Variants in SYT14 observed in about 807,000 individuals in gnomAD.
The protein encoded by SYT14 is synaptotagmin-14.
A neutral mutation model predicts 74.2 loss-of-function variants in SYT14; 32 were observed. The ratio of observed to expected loss-of-function variants is 0.43; its 90% CI spans 0.33 to 0.58. SYT14 has a LOEUF of 0.58. Ranked by LOEUF, SYT14 falls within the 20% of genes least tolerant of loss-of-function variation. The pLI, the probability that SYT14 is intolerant of heterozygous loss-of-function variation, is 0.05. For synonymous variants in SYT14, 298 were observed against 337.7 expected, an observed-to-expected ratio of 0.88 and a Z score of 1.29; for missense variants, 791 against 981.8, an observed-to-expected ratio of 0.81 and a Z score of 2.60.
At chr1:210,091,787 A>C (rs1389982038) in intron 5 of SYT14, among the ~76,000 whole-genome samples, 1 of 152,120 alleles carries the variant, frequency 6.6e-6, no homozygotes, top group Non-Finnish European at 1.5e-5. Flanking sequence ...CCAGCTTCAA[A>C]TTTTGATGGC....
intron 2 of SYT14, among the ~76,000 whole-genome samples, chr1:209,962,959 T>C (rs1459883807): frequency 1.3e-5 from 2 of 152,188 alleles, no homozygotes; most frequent in African/African-American, 2.4e-5. Context: ...CTAAGGTGTT[T>C]ACAGAATGAT....
rs969258442 is a variant in SYT14 at position 210,133,720 on chromosome 1, T to C, written c.2035-22001T>C. The stretch of plus-strand genomic sequence containing the variant: ...TGTGCAAGGTGGAGGTGAATAAAAA[T>C]TTGTAAGAATCCTAGAGCTGAGTAC... On this transcript the variant is annotated intron_variant, in intron 7 of 9. Transcript: ENST00000637265. Among the ~76,000 whole-genome samples the C allele has an allele frequency of 2.0e-5, 3 of 152,196 alleles. No homozygotes were observed. The East Asian group carries it at 5.8e-4, about 29-fold the overall frequency.
At chr1:209,967,988 A>T (rs11119375) in intron 2 of SYT14, among the ~76,000 whole-genome samples, 69,575 of 151,774 alleles carry the variant, frequency 0.46, 17,157 homozygotes, top group Non-Finnish European at 0.56. Flanking sequence ...TAAATTTTTT[A>T]AAAAAATCAG....
intron 2 of SYT14, among the ~76,000 whole-genome samples, chr1:209,973,255 C>G (rs2079291385): frequency 6.6e-6 from 1 of 151,758 alleles, no homozygotes; most frequent in Non-Finnish European, 1.5e-5. Flanking sequence ...TACATGTGCA[C>G]AACGTGCAGG....
At chr1:210,121,789 A>C (rs1296538688) in intron 7 of SYT14, among the ~76,000 whole-genome samples, 2 of 149,464 alleles carry the variant, frequency 1.3e-5, no homozygotes, top group Non-Finnish European at 3.0e-5. Flanking sequence ...GCGAGACCCC[A>C]TTTCAAAAAA....
Position 209,955,122 on chromosome 1 carries a change from G to A in SYT14, c.-486+2366G>A, listed in dbSNP as rs138345580. ...AGGGGTTTGGTCCTGGGCTTACTTCGTTTTTCCATCTTTTACTCTGTTTGA... is the reference window on the plus strand; with the variant it reads ...AGGGGTTTGGTCCTGGGCTTACTTCATTTTTCCATCTTTTACTCTGTTTGA... On this transcript the variant is annotated intron_variant, in intron 2 of 9. Transcript: ENST00000637265. 3.9e-5 allele frequency among the ~76,000 whole-genome samples: 6 copies of A among 152,148 alleles called. No individual in the cohort carries two copies. In the South Asian group the frequency reaches 8.3e-4, roughly 21 times the overall value.
intron 5 of SYT14, among the ~76,000 whole-genome samples, chr1:210,073,004 A>G (rs1456649391): frequency 2.3e-5 from 1 of 42,720 alleles, no homozygotes; most frequent in Non-Finnish European, 4.5e-5. Flanking sequence ...TTGAATTGCA[A>G]TCTGTAAAAA....
At chr1:210,050,444 C>CT (rs1558154024) in intron 5 of SYT14, among the ~76,000 whole-genome samples, 2 of 152,214 alleles carry the variant, frequency 1.3e-5, no homozygotes, top group African/African-American at 2.4e-5. Flanking sequence ...TTTCTGTCGT[C>CT]TTCTGAGCCC....
intron 7 of SYT14, among the ~76,000 whole-genome samples, chr1:210,151,003 G>A (rs2083146875): frequency 6.6e-6 from 1 of 152,086 alleles, no homozygotes. Context: ...TAAACATATA[G>A]AGTATATTCA....
intron 2 of SYT14, among the ~76,000 whole-genome samples, chr1:209,992,821 G>C (rs1008863947): frequency 6.6e-6 from 1 of 152,140 alleles, no homozygotes; most frequent in Admixed American, 6.6e-5. Context: ...AATTTGGGCA[G>C]ATCTTCAAAG....
exon 10 of SYT14, chr1:210,163,704 A>G (rs1260865340): frequency 2.2e-6 from 1 of 453,580 alleles, no homozygotes; most frequent in Non-Finnish European, 4.4e-6. Context: ...TATAATAATT[A>G]CTCCCAAAAA....
chr1:210,046,563 C>T (rs973483405), intron 5 of SYT14, among the ~76,000 whole-genome samples: 2 of 152,182 alleles, frequency 1.3e-5, no homozygotes, highest in Non-Finnish European at 2.9e-5. Flanking sequence ...AACCACTCAT[C>T]TACTTTATAT....
At chr1:210,039,704 C>T (rs1010713287) in intron 5 of SYT14, among the ~76,000 whole-genome samples, 13 of 152,064 alleles carry the variant, frequency 8.5e-5, no homozygotes, top group Non-Finnish European at 1.2e-4. Flanking sequence ...ACAACTTCAT[C>T]GAAAACTGGG....
chr1:210,169,936 CTTCT>C (rs1228348957), exon 10 of SYT14: 5 of 151,278 alleles, frequency 3.3e-5, no homozygotes, highest in East Asian at 1.9e-4. Context: ...TTCTTCCTTC[CTTCT>C]TTCTTTCCTT....
At chr1:210,160,095 T>C (rs2083344146) in intron 9 of SYT14, among the ~76,000 whole-genome samples, 1 of 152,196 alleles carries the variant, frequency 6.6e-6, no homozygotes, top group Admixed American at 6.6e-5. Flanking sequence ...TTTTACTTGG[T>C]TTGCTAAACT....
exon 7 of SYT14, chr1:210,100,107 T>C (rs2082036024): frequency 6.2e-7 from 1 of 1,614,012 alleles, no homozygotes; most frequent in South Asian, 1.1e-5. Flanking sequence ...CTTTTGACTA[T>C]GACTCACAAG....
At chr1:210,157,694 A>C (rs1159441893) in intron 8 of SYT14, among the ~76,000 whole-genome samples, 1 of 152,220 alleles carries the variant, frequency 6.6e-6, no homozygotes, top group African/African-American at 2.4e-5. Context: ...GTGAGCTGAG[A>C]TTGCGCCACT....
intron 5 of SYT14, among the ~76,000 whole-genome samples, chr1:210,029,714 T>C (rs530049152): frequency 2.0e-5 from 3 of 152,322 alleles, no homozygotes; most frequent in African/African-American, 7.2e-5. Flanking sequence ...GCTATGTTTC[T>C]CTTTTTCAGA....
intron 1 of SYT14, among the ~76,000 whole-genome samples, chr1:209,947,797 G>A (rs1167066955): frequency 1.3e-5 from 2 of 152,126 alleles, no homozygotes; most frequent in African/African-American, 2.4e-5. Flanking sequence ...AATCTTCCAT[G>A]AAAGAAAGAA....
Sources: allele counts gnomAD v4.1 joint callset (sites outside exome capture counted in the v4.1 genomes callset), GRCh38; gene constraint gnomAD v4.1.1; transcripts MANE v1.5; gene names NCBI Gene and HGNC (gene_info 2026-07-23, HGNC 2026-07-21).